Variants in D2HGDH observed in about 807,000 individuals in gnomAD.
D2HGDH encodes the protein D-2-hydroxyglutarate dehydrogenase, mitochondrial.
In D2HGDH, 31 loss-of-function variants were observed where a neutral mutation model predicts 46.9. The observed-to-expected ratio is 0.66, with a 90% CI of 0.50 to 0.89. The LOEUF is 0.89. Ranked by LOEUF, D2HGDH falls within the 40% of genes least tolerant of loss-of-function variation. The pLI, the probability that D2HGDH is intolerant of heterozygous loss-of-function variation, is 0.00. For missense variants in D2HGDH, 698 were observed against 720.8 expected (o/e 0.97, Z 0.36); for synonymous variants, 364 against 332.6 (o/e 1.09, Z -1.03).
At chr2:241,755,079 C>T (rs1697943810) in intron 8 of D2HGDH, 3 of 1,303,570 alleles carry the variant, frequency 2.3e-6, no homozygotes, top group African/African-American at 3.0e-5. Flanking sequence ...AAGCAAAAGC[C>T]ACGCAAACCA....
At chr2:241,738,150 C>A (rs1202222808) in intron 2 of D2HGDH, among the ~76,000 whole-genome samples, 3 of 152,158 alleles carry the variant, frequency 2.0e-5, no homozygotes, top group Non-Finnish European at 4.4e-5. Flanking sequence ...AGTGGAAGGG[C>A]CCCCACCCTC....
chr2:241,755,908 C>T lies in D2HGDH; in HGVS notation c.1200C>T (p.Tyr400=), dbSNP rs776691644. 6.2e-7 allele frequency: 1 copy of T among 1,613,234 alleles called. No individual in the cohort carries two copies. The highest frequency in any genetic ancestry group is 1.1e-5 in the South Asian group (1 of 91,090). Residue 400 remains tyrosine, a synonymous_variant, in exon 9 of 10, where the codon TAC becomes TAT. Coordinates refer to ENST00000321264, the MANE Select transcript of D2HGDH (RefSeq NM_152783.5). ...TEALSRDGYV[Y]KYDLSLPVER... ...CGCTGAGCCGGGATGGCTACGTGTACAAGTACGACCTCTCCCTCCCTGTGG... is the reference window on the plus strand; with the variant it reads ...CGCTGAGCCGGGATGGCTACGTGTATAAGTACGACCTCTCCCTCCCTGTGG...
Position 241,742,538 on chromosome 2 carries a change from C to G in D2HGDH, c.454C>G (p.Arg152Gly). 1 of 1,614,114 alleles carries G rather than the reference C, an allele frequency of 6.2e-7. No homozygotes were observed. Among genetic ancestry groups the G allele is most frequent in the South Asian group, 1.1e-5 (1 of 91,082 alleles). Reference sequence around the variant, plus strand: ...TGACGAGATCATCCTCTCCACTGCCCGCATGAACCGGGTCCTCAGCTTCCA... The same window carrying G: ...TGACGAGATCATCCTCTCCACTGCCGGCATGAACCGGGTCCTCAGCTTCCA... ...VFDEIILSTA[R>G]MNRVLSFHSV... The change falls in exon 4 of 10, where the codon CGC becomes GGC. Residue 152 changes from arginine (R) to glycine (G), a missense_variant. Transcript: ENST00000321264. The surrounding 1 kb of genome is among the most constrained non-coding windows in gnomAD (Gnocchi z 4.8).
intron 6 of D2HGDH, among the ~76,000 whole-genome samples, chr2:241,748,216 G>C (rs1696382207): frequency 1.3e-5 from 2 of 152,142 alleles, no homozygotes; most frequent in South Asian, 4.1e-4. Context: ...CCGCCTCCTG[G>C]TTCAAGCGAT....
chr2:241,758,253 A>C (rs1698381470), intron 9 of D2HGDH, among the ~76,000 whole-genome samples: 2 of 152,202 alleles, frequency 1.3e-5, no homozygotes, highest in African/African-American at 4.8e-5. Flanking sequence ...TTTTGGTATC[A>C]AAATCATAAC....
Position 241,744,727 on chromosome 2 carries a change from G to A in D2HGDH, c.703G>A (p.Val235Ile), listed in dbSNP as rs1226102828. 6.2e-7 allele frequency: 1 copy of A among 1,614,148 alleles called. No individual in the cohort carries two copies. The highest frequency in any genetic ancestry group is 1.3e-5 in the African/African-American group (1 of 74,946). ...CCCCAAGGTGCTGGCCGACGGCACTGTCCTGGACTGCCTGACCTCCCTGAG... is the reference window on the plus strand; with the variant it reads ...CCCCAAGGTGCTGGCCGACGGCACTATCCTGGACTGCCTGACCTCCCTGAG... ...GLEVVLADGTVLDCLTSLRKD... is the reference protein window; with the variant it reads ...GLEVVLADGTILDCLTSLRKD... Residue 235 changes from valine to isoleucine, a missense_variant, in exon 6 of 10, where the codon GTC (valine) becomes ATC (isoleucine). By Grantham distance (29) the Val-to-Ile change is conservative. Transcript: ENST00000321264.
Position 241,757,683 on chromosome 2 carries a change from C to T in D2HGDH, c.1306+1669C>T, listed in dbSNP as rs1698317870. On this transcript the variant is annotated intron_variant, in intron 9 of 9. Coordinates refer to ENST00000321264, the MANE Select transcript of D2HGDH (RefSeq NM_152783.5). ...TTTGTAAAAGCAAGAATGGGCCAGG[C>T]GCAGTGGTTCATGCCTGTAATCCCA... is the stretch of plus-strand genomic sequence containing the variant. Among the ~76,000 whole-genome samples the T allele has an allele frequency of 2.0e-5, 3 of 152,254 alleles. No homozygotes were observed. In the East Asian group the frequency reaches 5.8e-4, roughly 29 times the overall value.
rs750281431 is a variant in D2HGDH, at chr2:241,767,806, A to G, written c.1403A>G (p.Gln468Arg). ...CACGTGTACGAGTGGACGGCCGGGC[A>G]GCAGGGCAGCGTCAGCGCGGAGCAC... ...EPHVYEWTAGQQGSVSAEHGV... is the reference protein window; with the variant it reads ...EPHVYEWTAGRQGSVSAEHGV... Residue 468 changes from glutamine (Q) to arginine (R), a missense_variant, in exon 10 of 10, where the codon CAG becomes CGG. Coordinates refer to ENST00000321264, the MANE Select transcript of D2HGDH (RefSeq NM_152783.5). The G allele has an allele frequency of 6.2e-7, 1 of 1,612,234 alleles. No individual in the cohort carries two copies. The highest frequency in any genetic ancestry group is 8.5e-7 in the Non-Finnish European group (1 of 1,179,454).
chr2:241,753,833 C>T (rs1697696915), intron 8 of D2HGDH, among the ~76,000 whole-genome samples: 1 of 152,206 alleles, frequency 6.6e-6, no homozygotes, highest in Non-Finnish European at 1.5e-5. Context: ...GTGACCAGGG[C>T]GGGAGAAGCC....
rs1000470070 is a variant in D2HGDH at position 241,745,523 on chromosome 2, A to C, written c.853+646A>C. On this transcript the variant is annotated intron_variant, in intron 6 of 9. Coordinates refer to ENST00000321264, the MANE Select transcript of D2HGDH (RefSeq NM_152783.5). Reference sequence around the variant, plus strand: ...CACCAACTCCCAGTTCGGTGTCTTGAGCTGCCAGAAGCTTGGGCAGCCCTG... The same window carrying C: ...CACCAACTCCCAGTTCGGTGTCTTGCGCTGCCAGAAGCTTGGGCAGCCCTG... Among the ~76,000 whole-genome samples the C allele has an allele frequency of 2.6e-5, 4 of 152,194 alleles. No homozygotes were observed. The East Asian group carries it at 7.7e-4, about 29-fold the overall frequency.
intron 9 of D2HGDH, among the ~76,000 whole-genome samples, chr2:241,756,807 C>T (rs1480843658): frequency 2.0e-5 from 3 of 152,204 alleles, no homozygotes; most frequent in African/African-American, 7.2e-5. Context: ...CAGGAGTGAG[C>T]CACCGTGCCC....
chr2:241,764,188 GCGGGGACTGGGGGGCGA>G (rs1044575548), intron 9 of D2HGDH, among the ~76,000 whole-genome samples: 4 of 152,146 alleles, frequency 2.6e-5, no homozygotes, highest in African/African-American at 7.2e-5. Context: ...TGTGGGAGGG[GCGGGGACTGGGGGGCGA>G]CGGGGACTGT....
Position 241,748,745 on chromosome 2 carries a change from G to A in D2HGDH, c.854-1406G>A, listed in dbSNP as rs946130857. 15 of 1,023,520 alleles carry A rather than the reference G, an allele frequency of 1.5e-5. No homozygotes were observed. The African/African-American group carries it at 1.9e-4, about 13-fold the overall frequency. The allele number at this position is 1,023,520 out of a possible 1,614,324, so 63.4% of individuals were successfully genotyped here. A position where few individuals can be genotyped will look rare whatever the true frequency, so the allele number is the denominator to read the frequency against. On this transcript the variant is annotated intron_variant, in intron 6 of 9. Coordinates refer to ENST00000321264, the MANE Select transcript of D2HGDH (RefSeq NM_152783.5). ...GCTCCTCACCACCTGACCCCGGAAC[G>A]GCTGGGGCAGCCTTGACTGCTTCTG...
At chr2:241,737,644 G>A (rs1389082360) in intron 2 of D2HGDH, among the ~76,000 whole-genome samples, 7 of 152,088 alleles carry the variant, frequency 4.6e-5, no homozygotes, top group African/African-American at 9.7e-5. Context: ...TGGGTTACAC[G>A]CCTGTAACCC....
Position 241,743,951 on chromosome 2 carries a change from A to G in D2HGDH, c.684+136A>G. On this transcript the variant is annotated intron_variant, in intron 5 of 9. Transcript: ENST00000321264. The surrounding 1 kb of genome is among the most constrained non-coding windows in gnomAD (Gnocchi z 4.8). ...TTGGTTCCTGGCCCTGGGCCCCTCA[A>G]GGATGTGTGGGCTACATACACCCCC... 1.0e-6 allele frequency: 1 copy of G among 970,384 alleles called. No individual in the cohort carries two copies. Among genetic ancestry groups the G allele is most frequent in the Non-Finnish European group, 1.5e-6 (1 of 651,596 alleles). The allele number at this position is 970,384 out of a possible 1,614,324, so 60.1% of individuals were successfully genotyped here.
At position 241,742,133 on chromosome 2, in the gene D2HGDH, A is replaced by G. The variant is rs1374643953; in HGVS notation, c.351-302A>G. ...ACCCTGAGCTGGACCCTCTGTGAGC[A>G]TGGTGTGAACGGGAAGGATGGGAGC... On this transcript the variant is annotated intron_variant, in intron 3 of 9. Coordinates refer to ENST00000321264, the MANE Select transcript of D2HGDH (RefSeq NM_152783.5). This position sits in a 1 kb window ranked among gnomAD's most constrained non-coding sequence, Gnocchi z 4.8. 2.6e-5 allele frequency among the ~76,000 whole-genome samples: 4 copies of G among 152,114 alleles called. No homozygotes were observed. Among genetic ancestry groups the G allele is most frequent in the Non-Finnish European group, 5.9e-5 (4 of 68,016 alleles).
At position 241,743,646 on chromosome 2, in the gene D2HGDH, G is replaced by A. The variant is rs773735172; in HGVS notation, c.515G>A (p.Cys172Tyr). The change falls in exon 5 of 10, where the codon TGC becomes TAC. Residue 172 changes from cysteine (C) to tyrosine (Y), a missense_variant. Transcript: ENST00000321264. This position sits in a 1 kb window ranked among gnomAD's most constrained non-coding sequence, Gnocchi z 4.8. ...VSGILVCQAGCVLEELSRYVE... is the reference protein window; with the variant it reads ...VSGILVCQAGYVLEELSRYVE... Reference sequence around the variant, plus strand: ...GGAATTCTGGTTTGCCAGGCGGGCTGCGTCCTGGAGGAGCTGAGCCGGTAT... The same window carrying A: ...GGAATTCTGGTTTGCCAGGCGGGCTACGTCCTGGAGGAGCTGAGCCGGTAT... The A allele has an allele frequency of 2.6e-5, 42 of 1,613,718 alleles. No homozygotes were observed. Among genetic ancestry groups the A allele is most frequent in the Non-Finnish European group, 3.5e-5 (41 of 1,179,992 alleles).
In D2HGDH at chr2:241,735,115, A is replaced by G. The variant is rs1426033710; in HGVS notation, c.-92-18A>G. ...TACAACGTGCATAAAACATGAAATTACCCTTGGCCACTTCCAGGCGCGCAG... is the reference window on the plus strand; with the variant it reads ...TACAACGTGCATAAAACATGAAATTGCCCTTGGCCACTTCCAGGCGCGCAG... On this transcript the variant is annotated intron_variant, in intron 1 of 9. Coordinates refer to ENST00000321264, the MANE Select transcript of D2HGDH (RefSeq NM_152783.5). 2.6e-6 allele frequency: 3 copies of G among 1,167,542 alleles called. No homozygotes were observed. The highest frequency in any genetic ancestry group is 3.4e-6 in the Non-Finnish European group (3 of 875,026). The allele number at this position is 1,167,542 out of a possible 1,614,324, so 72.3% of individuals were successfully genotyped here.
Position 241,735,288 on chromosome 2 carries a change from G to A in D2HGDH, c.64G>A (p.Gly22Ser), listed in dbSNP as rs770652109. 1 of 1,525,678 alleles carries A rather than the reference G, an allele frequency of 6.6e-7. No individual in the cohort carries two copies. 94.5% of individuals were successfully genotyped at this position (1,525,678 alleles called of 1,614,324 possible). Residue 22 changes from glycine to serine, a missense_variant, in exon 2 of 10, where the codon GGT becomes AGT. By Grantham distance (56) the Gly-to-Ser change is moderately conservative. Coordinates refer to ENST00000321264, the MANE Select transcript of D2HGDH (RefSeq NM_152783.5). ...GTTGCGGGGTGCTCCGGGAGCCGCG[G>A]GTTCTTGGGGTCGGCCGGTTGGCCC... ...WLLRGAPGAA[G>S]SWGRPVGPLA...
Sources: allele counts gnomAD v4.1 joint callset (sites outside exome capture counted in the v4.1 genomes callset), GRCh38; gene constraint gnomAD v4.1.1; non-coding constraint Gnocchi (gnomAD v3.1); transcripts MANE v1.5; gene names NCBI Gene and HGNC (gene_info 2026-07-23, HGNC 2026-07-21).